COL8A1: variants seen among roughly 807,000 people sequenced by gnomAD.
The protein encoded by COL8A1 is collagen alpha-1(VIII) chain.
A neutral mutation model predicts 42.7 loss-of-function variants in COL8A1; 21 were observed. The ratio of observed to expected loss-of-function variants is 0.49; its 90% confidence interval spans 0.35 to 0.71. The LOEUF is 0.71. Ranked by LOEUF, COL8A1 falls within the 30% of genes least tolerant of loss-of-function variation. COL8A1 has a pLI of 0.01. For missense variants in COL8A1, 788 were observed against 962.4 expected (o/e 0.82, Z 2.40); for synonymous variants, 367 against 369.1 (o/e 0.99, Z 0.06).
intron 1 of COL8A1, among the ~76,000 whole-genome samples, chr3:99,743,921 T>C (rs891272886): frequency 6.6e-6 from 1 of 151,850 alleles, no homozygotes; most frequent in Non-Finnish European, 1.5e-5. Context: ...ACAGCAAATG[T>C]AGATAATTCT....
intron 2 of COL8A1, among the ~76,000 whole-genome samples, chr3:99,781,636 G>A (rs574086563): frequency 4.3e-4 from 66 of 152,162 alleles, no homozygotes; most frequent in African/African-American, 1.5e-3. Flanking sequence ...CCTTGCAAAA[G>A]GCCTTAAAAC....
intron 1 of COL8A1, among the ~76,000 whole-genome samples, chr3:99,687,400 C>G (rs907855045): frequency 1.3e-5 from 2 of 152,142 alleles, no homozygotes; most frequent in African/African-American, 4.8e-5. Context: ...AGGCATCATG[C>G]AAATGTTACT....
intron 1 of COL8A1, among the ~76,000 whole-genome samples, chr3:99,662,764 G>T (rs1022878352): frequency 6.6e-6 from 1 of 152,070 alleles, no homozygotes; most frequent in African/African-American, 2.4e-5. Context: ...TGGTTTGCTG[G>T]CAATCTTTAG....
rs1025887819 is a variant in COL8A1 at position 99,727,999 on chromosome 3, A to T, written c.-128-16898A>T. On this transcript the variant is annotated intron_variant, in intron 1 of 3. Coordinates refer to ENST00000652472, the MANE Select transcript of COL8A1 (RefSeq NM_020351.4). The stretch of plus-strand genomic sequence containing the variant: ...TATTGATGGGACATATTTCAAAATA[A>T]TAAGAGCTATCTATGACAAACCCAC... Among the ~76,000 whole-genome samples the T allele has an allele frequency of 4.7e-5, 7 of 149,850 alleles. No individual in the cohort carries two copies. In the South Asian group the frequency reaches 1.1e-3, roughly 23 times the overall value.
At chr3:99,779,172 A>T (rs145825266) in intron 2 of COL8A1, among the ~76,000 whole-genome samples, 2 of 152,360 alleles carry the variant, frequency 1.3e-5, no homozygotes, top group South Asian at 2.1e-4. Context: ...AAAAAGAAGT[A>T]TATACTGAAT....
At chr3:99,677,903 A>G (rs889871356) in intron 1 of COL8A1, 1 of 152,138 alleles carries the variant, frequency 6.6e-6, no homozygotes, top group African/African-American at 2.4e-5. Flanking sequence ...GGACATGGGA[A>G]AATCTACACA....
At chr3:99,725,172 C>T (rs1171337414) in intron 1 of COL8A1, among the ~76,000 whole-genome samples, 1 of 151,908 alleles carries the variant, frequency 6.6e-6, no homozygotes, top group Non-Finnish European at 1.5e-5. Context: ...GGATTAAGGG[C>T]AATGTATTTT....
chr3:99,712,156 C>T (rs1413691003), intron 1 of COL8A1, among the ~76,000 whole-genome samples: 1 of 152,030 alleles, frequency 6.6e-6, no homozygotes, highest in East Asian at 1.9e-4. Flanking sequence ...GTGGCAGAAA[C>T]CAAAATCAGG....
chr3:99,755,101 C>T (rs756786124), intron 2 of COL8A1, among the ~76,000 whole-genome samples: 1 of 152,028 alleles, frequency 6.6e-6, no homozygotes, highest in Non-Finnish European at 1.5e-5. Flanking sequence ...GCTAGATAAG[C>T]TTATTATCAA....
intron 1 of COL8A1, among the ~76,000 whole-genome samples, chr3:99,682,416 T>TCAA (rs1938914408): frequency 6.6e-6 from 1 of 152,116 alleles, no homozygotes; most frequent in African/African-American, 2.4e-5. Flanking sequence ...AGGCCCTGTC[T>TCAA]CAATAATAAT....
intron 1 of COL8A1, among the ~76,000 whole-genome samples, chr3:99,727,062 A>G (rs1344331235): frequency 6.6e-6 from 1 of 151,992 alleles, no homozygotes; most frequent in Non-Finnish European, 1.5e-5. Flanking sequence ...ATGTTCTTCC[A>G]TTTCTTTGTA....
chr3:99,720,875 G>A (rs941271536), intron 1 of COL8A1, among the ~76,000 whole-genome samples: 4 of 152,106 alleles, frequency 2.6e-5, no homozygotes, highest in Admixed American at 1.3e-4. Context: ...TAGAAGGATG[G>A]TGAGGAGTTT....
At position 99,797,948 on chromosome 3, in the gene COL8A1, A is replaced by G. The variant is rs191781057; in HGVS notation, c.*1812A>G. ...ACCAAAGACCCATTTCGAGCCTGCT[A>G]TTAGCCTGCTGCTGACTCTATCACT... On this transcript the variant is annotated 3_prime_UTR_variant, in exon 4 of 4. Transcript: ENST00000652472. 22 of 152,362 alleles carry G rather than the reference A, an allele frequency of 1.4e-4. No individual in the cohort carries two copies. The highest frequency in any genetic ancestry group is 5.1e-4 in the African/African-American group (21 of 41,582). 9.4% of individuals were successfully genotyped at this position (152,362 alleles called of 1,614,324 possible).
In COL8A1 at chr3:99,796,115, A is replaced by G. The variant is rs1009200186; in HGVS notation, c.2214A>G (p.Gly738=). The G allele has an allele frequency of 6.6e-7, 1 of 1,519,224 alleles. No homozygotes were observed. The highest frequency in any genetic ancestry group is 8.8e-7 in the Non-Finnish European group (1 of 1,132,032). 94.1% of individuals were successfully genotyped at this position (1,519,224 alleles called of 1,614,324 possible). Residue 738 remains glycine (G), a synonymous_variant, in exon 4 of 4, where the codon GGA becomes GGG. Transcript: ENST00000652472. ...AGTATGTCCACTCCTCCTTTTCAGGATATTTATTGTATCCCATGTAAAAAC... is the reference window on the plus strand; with the variant it reads ...AGTATGTCCACTCCTCCTTTTCAGGGTATTTATTGTATCCCATGTAAAAAC... ...AGQYVHSSFS[G]YLLYPM
intron 1 of COL8A1, among the ~76,000 whole-genome samples, chr3:99,655,897 A>T (rs1938003270): frequency 6.6e-6 from 1 of 152,218 alleles, no homozygotes. Flanking sequence ...CACTGACAGA[A>T]GGAAGAAAGA....
At chr3:99,680,482 A>G (rs965057042) in intron 1 of COL8A1, 2 of 152,218 alleles carry the variant, frequency 1.3e-5, no homozygotes, top group Admixed American at 1.3e-4. Flanking sequence ...TCATAGCAGC[A>G]TGATTTATAA....
chr3:99,756,699 C>T (rs1941260480), intron 2 of COL8A1, among the ~76,000 whole-genome samples: 1 of 152,176 alleles, frequency 6.6e-6, no homozygotes, highest in South Asian at 2.1e-4. Context: ...CTTCAATTTC[C>T]AGGCAGCTAC....
chr3:99,773,837 A>ATATATTATATATATATATATATATATTTT (rs1200212756), intron 2 of COL8A1, among the ~76,000 whole-genome samples: 1 of 45,400 alleles, frequency 2.2e-5, no homozygotes, highest in African/African-American at 1.3e-4. Context: ...ATATATATAT[A>ATATATTATATATATATATATATATATTTT]TTTTTTTTTT....
intron 1 of COL8A1, among the ~76,000 whole-genome samples, chr3:99,649,030 C>T (rs987331062): frequency 2.0e-5 from 3 of 152,040 alleles, no homozygotes; most frequent in Admixed American, 6.6e-5. Flanking sequence ...TTCTGTTATG[C>T]TTTTTGGCTT....
Sources: gnomAD v4.1 joint callset for allele counts (sites outside exome capture counted in the v4.1 genomes callset) on GRCh38, gnomAD v4.1.1 for gene constraint, MANE v1.5 for transcripts, NCBI Gene and HGNC (gene_info 2026-07-23, HGNC 2026-07-21) for gene names.